DNAH17: variants seen among roughly 807,000 people sequenced by gnomAD.
The protein encoded by DNAH17 is axonemal beta dynein heavy chain 17.
DNAH17 carries 376 observed loss-of-function variants against 485.6 expected under a neutral mutation model. The observed-to-expected ratio is 0.77, with a 90% CI of 0.71 to 0.84. DNAH17 has a LOEUF of 0.84. Among genes scored for constraint, DNAH17 ranks in the 40% least tolerant of loss-of-function variants. The pLI is 0.00. For synonymous variants in DNAH17, 3,031 were observed against 2,405.9 expected (o/e 1.26, Z -7.60); for missense variants, 6,370 against 5,839.3 (o/e 1.09, Z -2.96).
At chr17:78,567,637 C>T (rs550207926) in intron 9 of DNAH17, among the ~76,000 whole-genome samples, 25 of 152,262 alleles carry the variant, frequency 1.6e-4, no homozygotes, top group Admixed American at 6.5e-4. Context: ...AAGAAGAAAG[C>T]GGCTGGAATG....
chr17:78,485,759 T>TG lies in DNAH17; in HGVS notation c.7276-3dup, dbSNP rs1385131587. ...TTCCGTGGTGTGGACCAAAGAGGCC[T>TG]GGGGCAGGGGAGGGAAGGGGAGGGA... On this transcript the variant is annotated splice_region_variant and splice_polypyrimidine_tract_variant and intron_variant, in intron 46 of 80. Transcript: ENST00000389840. 3 of 1,607,178 alleles carry TG rather than the reference T, an allele frequency of 1.9e-6. No individual in the cohort carries two copies. The African/African-American group carries it at 4.3e-5, about 23-fold the overall frequency.
chr17:78,502,004 G>T, intron 33 of DNAH17, 131 bp from the exon 34 acceptor site: 4 of 1,322,132 alleles, frequency 3.0e-6, no homozygotes, highest in Non-Finnish European at 1.0e-6. Flanking sequence ...AAACAAGAGC[G>T]CCCTCGGTAG....
chr17:78,526,845 C>A, intron 23 of DNAH17, 35 bp downstream of exon 23: 1 of 1,557,270 alleles, frequency 6.4e-7, no homozygotes, highest in East Asian at 2.4e-5. Flanking sequence ...ACGCTGCTCC[C>A]CGGAAATCCC....
chr17:78,514,102 C>G (rs955049299), intron 26 of DNAH17, among the ~76,000 whole-genome samples: 3 of 152,134 alleles, frequency 2.0e-5, no homozygotes, highest in Non-Finnish European at 4.4e-5. Context: ...CGAAGCTGTT[C>G]ATTTGCCCCA....
rs1242108836 is a variant in DNAH17 at position 78,569,216 on chromosome 17, GAGA to G, written c.1231_1233del (p.Ser411del). Reference sequence around the variant, plus strand: ...AAGGAATTTATCCTGGAAAAGGCAAGAGAAGAAGGGAATTCCCAAGGCACGGGC... The same window carrying G: ...AAGGAATTTATCCTGGAAAAGGCAAGAGAAGGGAATTCCCAAGGCACGGGC... On this transcript the variant is annotated inframe_deletion, in exon 9 of 81. Transcript: ENST00000389840. 11 of 1,609,352 alleles carry G rather than the reference GAGA, an allele frequency of 6.8e-6. No homozygotes were observed. The highest frequency in any genetic ancestry group is 1.3e-5 in the African/African-American group (1 of 74,868).
chr17:78,441,017 G>A (rs1353485610), intron 72 of DNAH17, 34 bp downstream of exon 72: 19 of 1,554,030 alleles, frequency 1.2e-5, no homozygotes, highest in Middle Eastern at 1.7e-4. Flanking sequence ...ACAATACTCC[G>A]TCTTTGAGAA....
intron 60 of DNAH17, 108 bp from the exon 61 acceptor site, chr17:78,459,316 G>T: frequency 9.3e-7 from 1 of 1,070,938 alleles, no homozygotes; most frequent in Non-Finnish European, 1.4e-6. Flanking sequence ...TGGAGGGGCA[G>T]CGCTGGGATT....
chr17:78,467,724 T>G (rs2088543902), intron 55 of DNAH17, among the ~76,000 whole-genome samples: 1 of 152,114 alleles, frequency 6.6e-6, no homozygotes, highest in Admixed American at 6.5e-5. Flanking sequence ...GAGTTTAGCC[T>G]GCTTACCCTA....
intron 65 of DNAH17, 63 bp downstream of exon 65, chr17:78,453,280 C>G: frequency 6.3e-7 from 1 of 1,583,818 alleles, no homozygotes. Flanking sequence ...TACATGCACA[C>G]GCCCAGGCCT....
At chr17:78,472,987 T>G (rs1157036798) in intron 54 of DNAH17, among the ~76,000 whole-genome samples, 1 of 152,168 alleles carries the variant, frequency 6.6e-6, no homozygotes, top group African/African-American at 2.4e-5. Flanking sequence ...CGGCACACTG[T>G]CCTCCAGGGT....
intron 57 of DNAH17, 141 bp from the exon 58 acceptor site, chr17:78,461,849 G>C (rs2088145172): frequency 2.7e-6 from 2 of 742,038 alleles, no homozygotes; most frequent in Non-Finnish European, 4.2e-6. Context: ...ACTCGTTTTG[G>C]AGAGTCTTTT....
intron 15 of DNAH17, 88 bp from the exon 16 acceptor site, chr17:78,551,726 G>C (rs74466064): frequency 0.022 from 28,284 of 1,268,874 alleles, 724 homozygotes; most frequent in Admixed American, 0.091. Context: ...CCCTTTGGGA[G>C]GTCAGGGCAG....
intron 62 of DNAH17, among the ~76,000 whole-genome samples, chr17:78,457,655 G>A (rs775308625): frequency 8.3e-5 from 10 of 120,150 alleles, no homozygotes; most frequent in African/African-American, 1.2e-4. Context: ...AGCCGTGCCT[G>A]GCTTTTTTTT....
chr17:78,550,016 G>A (rs2091863171), intron 16 of DNAH17, among the ~76,000 whole-genome samples: 1 of 152,204 alleles, frequency 6.6e-6, no homozygotes, highest in African/African-American at 2.4e-5. Context: ...ACAAAGTGAA[G>A]AGATCGAGAA....
intron 20 of DNAH17, among the ~76,000 whole-genome samples, chr17:78,532,195 G>A (rs2091258892): frequency 6.6e-6 from 1 of 152,168 alleles, no homozygotes; most frequent in Non-Finnish European, 1.5e-5. Flanking sequence ...TTCCCTGGAA[G>A]CCACAATAAA....
chr17:78,476,118 C>T (rs989944996), intron 52 of DNAH17, among the ~76,000 whole-genome samples: 1 of 152,138 alleles, frequency 6.6e-6, no homozygotes, highest in Non-Finnish European at 1.5e-5. Context: ...GCACACAGAG[C>T]CAAGCAGGGC....
At position 78,476,580 on chromosome 17, in the gene DNAH17, A is replaced by T; in HGVS notation, c.8146T>A (p.Phe2716Ile). 6.2e-7 allele frequency: 1 copy of T among 1,608,512 alleles called. No individual in the cohort carries two copies. Among genetic ancestry groups the T allele is most frequent in the South Asian group, 1.1e-5 (1 of 89,878 alleles). The change falls in exon 52 of 81, where the codon TTC (phenylalanine) becomes ATC (isoleucine). Residue 2716 changes from phenylalanine to isoleucine, a missense_variant. Physicochemically the swap from Phe to Ile is conservative, Grantham distance 21. Coordinates refer to ENST00000389840, the MANE Select transcript of DNAH17 (RefSeq NM_173628.4). ...TGGGCAGCTTGACTTACATCAAAGA[A>T]CTTCTTGGTGGAGGCCATGGTGACT... ...HRVTMASTKK[F>I]FDDLGDELLF...
chr17:78,501,968 A>T, intron 33 of DNAH17, 95 bp from the exon 34 acceptor site: 1 of 1,525,564 alleles, frequency 6.6e-7, no homozygotes, highest in Non-Finnish European at 8.9e-7. Flanking sequence ...AGGGAACACC[A>T]CCATGCTTTT....
intron 52 of DNAH17, 41 bp downstream of exon 52, chr17:78,476,531 C>G (rs946958092): frequency 1.3e-6 from 2 of 1,577,824 alleles, no homozygotes; most frequent in East Asian, 2.3e-5. Context: ...CCTCCTGGAG[C>G]CATTCTGGGC....
Sources: gnomAD v4.1 joint callset for allele counts (sites outside exome capture counted in the v4.1 genomes callset) on GRCh38, gnomAD v4.1.1 for gene constraint, MANE v1.5 for transcripts, NCBI Gene and HGNC (gene_info 2026-07-23, HGNC 2026-07-21) for gene names.